Variants in CELF2 observed in about 807,000 individuals in gnomAD.
The protein encoded by CELF2 is CUGBP Elav-like family member 2.
Under a neutral mutation model 62.6 loss-of-function variants are expected in CELF2, and 8 were observed. The ratio of observed to expected loss-of-function variants is 0.13; its 90% CI spans 0.07 to 0.23. CELF2 has a LOEUF of 0.23. Ranked by LOEUF, CELF2 falls within the 10% of genes least tolerant of loss-of-function variation. The pLI, the probability that CELF2 is intolerant of heterozygous loss-of-function variation, is 1.00. For synonymous variants in CELF2, 258 were observed against 250.0 expected (o/e 1.03, Z -0.30); for missense variants, 333 against 671.0 (o/e 0.50, Z 5.56).
At chr10:11,139,961 C>A (rs2061054913) in intron 1 of CELF2, among the ~76,000 whole-genome samples, 1 of 151,938 alleles carries the variant, frequency 6.6e-6, no homozygotes, top group Admixed American at 6.6e-5. Context: ...AGTAAGCCAT[C>A]TTCAATTTCT....
At position 11,268,380 on chromosome 10, in the gene CELF2, T is replaced by C. The variant is rs1244431619; in HGVS notation, c.618+1703T>C. Among the ~76,000 whole-genome samples the C allele has an allele frequency of 6.6e-6, 1 of 152,180 alleles. No individual in the cohort carries two copies. Among genetic ancestry groups the C allele is most frequent in the African/African-American group, 2.4e-5 (1 of 41,420 alleles). Reference sequence around the variant, plus strand: ...TCTTCAGTGTTTCTGTTAGAAACATTACGATCCCCATTCCTTCCCTTGGAG... The same window carrying C: ...TCTTCAGTGTTTCTGTTAGAAACATCACGATCCCCATTCCTTCCCTTGGAG... On this transcript the variant is annotated intron_variant, in intron 6 of 12. Coordinates refer to ENST00000633077, the MANE Select transcript of CELF2 (RefSeq NM_001326342.2). The surrounding 1 kb of genome is among the most constrained non-coding windows in gnomAD (Gnocchi z 4.7).
At chr10:11,102,209 A>G (rs140474209) in intron 1 of CELF2, 28 of 152,374 alleles carry the variant, frequency 1.8e-4, no homozygotes, top group African/African-American at 6.3e-4. Context: ...TCACAGAAGT[A>G]GCAATAGCTT....
At chr10:10,528,202 G>A in the CELF2 span, among the ~76,000 whole-genome samples, 2 of 152,032 alleles carry the variant, frequency 1.3e-5, no homozygotes, top group African/African-American at 4.8e-5. Context: ...AGTTAATACA[G>A]CAGAAAGGAA....
the CELF2 span, among the ~76,000 whole-genome samples, chr10:10,722,701 C>G: frequency 3.9e-5 from 6 of 152,142 alleles, no homozygotes; most frequent in African/African-American, 1.4e-4. Context: ...TGTGTATGAA[C>G]CAGCAAAGAC....
At chr10:10,826,175 A>G (rs1467008493) in intron 1 of CELF2, among the ~76,000 whole-genome samples, 2 of 152,168 alleles carry the variant, frequency 1.3e-5, no homozygotes, top group Non-Finnish European at 2.9e-5. Context: ...ATGGGGCAAA[A>G]AAAAAACAAT....
At chr10:10,963,611 C>G (rs2049794631) in intron 2 of CELF2, among the ~76,000 whole-genome samples, 1 of 152,106 alleles carries the variant, frequency 6.6e-6, no homozygotes, top group South Asian at 2.1e-4. Context: ...TTCATAGCTC[C>G]CCTATGCCTG....
chr10:11,191,432 T>G lies in CELF2; in HGVS notation c.271+25750T>G, dbSNP rs2076271714. Among the ~76,000 whole-genome samples the G allele has an allele frequency of 6.6e-6, 1 of 152,078 alleles. No individual in the cohort carries two copies. Among genetic ancestry groups the G allele is most frequent in the African/African-American group, 2.4e-5 (1 of 41,396 alleles). On this transcript the variant is annotated intron_variant, in intron 2 of 12. Coordinates refer to ENST00000633077, the MANE Select transcript of CELF2 (RefSeq NM_001326342.2). This position sits in a 1 kb window ranked among gnomAD's most constrained non-coding sequence, Gnocchi z 4.1. ...TACCCCAGGCAATGAAACGGAGAGG[T>G]GTCTCCTGGTGTTGCAGTGGGGAGG...
At chr10:10,473,097 A>C in the CELF2 span, among the ~76,000 whole-genome samples, 4 of 152,010 alleles carry the variant, frequency 2.6e-5, no homozygotes, top group Admixed American at 2.6e-4. Flanking sequence ...CATAATTTCC[A>C]TTGTCTAACA....
At chr10:10,831,842 T>C (rs1309191889) in intron 1 of CELF2, among the ~76,000 whole-genome samples, 3 of 152,024 alleles carry the variant, frequency 2.0e-5, no homozygotes, top group Non-Finnish European at 4.4e-5. Context: ...TGTGGTGGCA[T>C]GCTCTTGTAA....
chr10:11,148,024 A>G (rs1266254607), intron 1 of CELF2, among the ~76,000 whole-genome samples: 3 of 152,260 alleles, frequency 2.0e-5, no homozygotes, highest in African/African-American at 4.8e-5. Flanking sequence ...TAGATTTTAC[A>G]TTAAAGTACG....
At position 11,332,451 on chromosome 10, in the gene CELF2, A is replaced by AAAAAGGCTGGGAAAGGGC. The variant is rs2096045640; in HGVS notation, c.*3398_*3399insAAAAGGCTGGGAAAGGGC. The stretch of plus-strand genomic sequence containing the variant: ...CTTTTTGGTTTTTTTAATTGAACAC[A>AAAAAGGCTGGGAAAGGGC]TTTCATCTAAGTAAAGCTCAGTTCT... On this transcript the variant is annotated 3_prime_UTR_variant, in exon 13 of 13. Coordinates refer to ENST00000633077, the MANE Select transcript of CELF2 (RefSeq NM_001326342.2). 6.6e-6 allele frequency: 1 copy of AAAAAGGCTGGGAAAGGGC among 152,284 alleles called. No homozygotes were observed. The highest frequency in any genetic ancestry group is 2.4e-5 in the African/African-American group (1 of 41,334). The allele number at this position is 152,284 out of a possible 1,614,324, so 9.4% of individuals were successfully genotyped here. A position where few individuals can be genotyped will look rare whatever the true frequency, so the allele number is the denominator to read the frequency against.
chr10:10,491,594 T>C, the CELF2 span, among the ~76,000 whole-genome samples: 1 of 152,212 alleles, frequency 6.6e-6, no homozygotes, highest in Non-Finnish European at 1.5e-5. Flanking sequence ...GGGTATTAAT[T>C]TTCTTACTTT....
the CELF2 span, among the ~76,000 whole-genome samples, chr10:10,598,824 G>A: frequency 1.4e-5 from 2 of 138,840 alleles, no homozygotes; most frequent in Non-Finnish European, 3.0e-5. Flanking sequence ...CGGGATCTCG[G>A]CTCACTGCAA....
At chr10:10,719,734 T>C in the CELF2 span, among the ~76,000 whole-genome samples, 19 of 152,284 alleles carry the variant, frequency 1.2e-4, no homozygotes, top group African/African-American at 4.6e-4. Context: ...ATCTAATCTG[T>C]AGAGTAGGAA....
At chr10:11,201,910 T>A (rs1455412555) in intron 2 of CELF2, among the ~76,000 whole-genome samples, 1 of 152,050 alleles carries the variant, frequency 6.6e-6, no homozygotes, top group Non-Finnish European at 1.5e-5. Context: ...TCGTTGCAGT[T>A]TTCTGCTGAG....
chr10:11,213,025 C>A (rs2062320126), intron 2 of CELF2, among the ~76,000 whole-genome samples: 1 of 152,178 alleles, frequency 6.6e-6, no homozygotes, highest in Admixed American at 6.5e-5. Context: ...GGGTTGAGAC[C>A]TGCAGAAGCA....
chr10:10,540,187 T>C, the CELF2 span, among the ~76,000 whole-genome samples: 7 of 152,188 alleles, frequency 4.6e-5, no homozygotes, highest in Admixed American at 4.6e-4. Context: ...TTTAACAGTG[T>C]CACAGTCCCA....
chr10:10,936,471 C>G lies in CELF2; in HGVS notation c.89+16472C>G, dbSNP rs534765424. ...ACAGATGAATAGGCTGAAGATCAGA[C>G]AGTGGAAACTAAGTCCTCATGACCA... On this transcript the variant is annotated intron_variant, in intron 2 of 13. Transcript: ENST00000636488. This position sits in a 1 kb window ranked among gnomAD's most constrained non-coding sequence, Gnocchi z 4.0. 4.5e-4 allele frequency among the ~76,000 whole-genome samples: 68 copies of G among 152,276 alleles called. No homozygotes were observed. Among genetic ancestry groups the G allele is most frequent in the African/African-American group, 1.6e-3 (68 of 41,556 alleles).
the CELF2 span, among the ~76,000 whole-genome samples, chr10:10,503,958 T>G: frequency 7.0e-4 from 106 of 152,174 alleles, no homozygotes; most frequent in African/African-American, 2.5e-3. Context: ...TATCACGATC[T>G]GCTGATATCA....
Sources: gnomAD v4.1 joint callset for allele counts (sites outside exome capture counted in the v4.1 genomes callset) on GRCh38, gnomAD v4.1.1 for gene constraint, Gnocchi (gnomAD v3.1) non-coding constraint, MANE v1.5 for transcripts, NCBI Gene and HGNC (gene_info 2026-07-23, HGNC 2026-07-21) for gene names.